The following STARD8 variants were observed in gnomAD, a reference collection of about 807,000 sequenced individuals.
STARD8 encodes the protein stAR-related lipid transfer protein 8.
A neutral mutation model predicts 69.4 loss-of-function variants in STARD8; 25 were observed. That is an observed-to-expected ratio of 0.36 (90% confidence interval 0.26 to 0.50). STARD8 has a LOEUF of 0.50. Among genes scored for constraint, STARD8 ranks in the 20% least tolerant of loss-of-function variants. STARD8 has a pLI of 0.96. For synonymous variants in STARD8, 389 were observed against 374.6 expected, an observed-to-expected ratio of 1.04 and a Z score of -0.45; for missense variants, 921 against 932.5, an observed-to-expected ratio of 0.99 and a Z score of 0.16.
At chrX:68,714,211 G>A (rs899487819) in intron 3 of STARD8, among the ~76,000 whole-genome samples, 4 of 111,724 alleles carry the variant, frequency 3.6e-5, no homozygotes, top group African/African-American at 1.3e-4. Flanking sequence ...CAAACCCTCC[G>A]ATGGCCTCCC....
At chrX:68,672,115 T>G (rs999125240) in intron 2 of STARD8, among the ~76,000 whole-genome samples, 1 of 111,613 alleles carries the variant, frequency 9.0e-6, no homozygotes, top group African/African-American at 3.3e-5. Context: ...TCAGGTATGG[T>G]GAAGCATCCT....
At chrX:68,682,951 G>A (rs2079809698) in intron 2 of STARD8, among the ~76,000 whole-genome samples, 1 of 112,117 alleles carries the variant, frequency 8.9e-6, no homozygotes, top group East Asian at 2.8e-4. Flanking sequence ...GAGGACTCCT[G>A]TGTGAAATGC....
At chrX:68,720,862 T>C (rs1602616828) in intron 8 of STARD8, 62 bp from the exon 9 acceptor site, 1 of 1,101,179 alleles carries the variant, frequency 9.1e-7, no homozygotes, top group East Asian at 3.3e-5. Context: ...AGGGCTGGCC[T>C]CACAGTCTGC....
intron 12 of STARD8, 119 bp downstream of exon 12, chrX:68,722,765 C>A (rs2080163199): frequency 1.5e-6 from 1 of 679,193 alleles, no homozygotes; most frequent in East Asian, 3.5e-5. Context: ...CTCGCTGTGC[C>A]TCGGCCTGGT....
At chrX:68,658,924 G>C (rs2079627522) in intron 1 of STARD8, among the ~76,000 whole-genome samples, 1 of 112,589 alleles carries the variant, frequency 8.9e-6, no homozygotes, top group Non-Finnish European at 1.9e-5. Context: ...CTGCACTTGG[G>C]GAATGGGAGT....
intron 2 of STARD8, among the ~76,000 whole-genome samples, chrX:68,681,231 TGAGACTGGGGGGCC>T (rs2147893274): frequency 8.9e-6 from 1 of 111,884 alleles, no homozygotes; most frequent in Non-Finnish European, 1.9e-5. Flanking sequence ...GGCAAAAGGC[TGAGACTGGGGGGCC>T]TTCTGATGGA....
intron 12 of STARD8, 146 bp from the exon 13 acceptor site, chrX:68,723,480 T>C: frequency 4.0e-6 from 2 of 495,132 alleles, no homozygotes; most frequent in East Asian, 7.3e-5. Flanking sequence ...GGGAGCACTG[T>C]CTCAGTCTGG....
intron 2 of STARD8, among the ~76,000 whole-genome samples, chrX:68,705,011 G>A (rs2079994746): frequency 8.9e-6 from 1 of 112,202 alleles, no homozygotes; most frequent in Non-Finnish European, 1.9e-5. Flanking sequence ...ATCTGCCCCA[G>A]ACTGGTTTGG....
chrX:68,721,101 A>G lies in STARD8; in HGVS notation c.2227A>G (p.Thr743Ala), dbSNP rs1022604030. ...CATCTTCACCAGCAAGCTCACCACC[A>G]CTTTCCTCCAGATCTACCAGCGTGA... ...EPIFTSKLTT[T>A]FLQIYQLLPK... Residue 743 changes from threonine (T) to alanine (A), a missense_variant, in exon 9 of 15, where the codon ACT becomes GCT. Transcript: ENST00000374599. The G allele has an allele frequency of 2.5e-6, 3 of 1,211,159 alleles. No individual in the cohort carries two copies. Among genetic ancestry groups the G allele is most frequent in the Non-Finnish European group, 3.4e-6 (3 of 895,349 alleles).
chrX:68,696,224 C>T (rs957094386), intron 2 of STARD8, among the ~76,000 whole-genome samples: 10 of 112,155 alleles, frequency 8.9e-5, no homozygotes, highest in Non-Finnish European at 1.7e-4. Flanking sequence ...TGTGAGCTCC[C>T]GGAGATCTAG....
chrX:68,651,609 T>C (rs1014493818), intron 1 of STARD8, among the ~76,000 whole-genome samples: 3 of 110,875 alleles, frequency 2.7e-5, no homozygotes, highest in Admixed American at 9.6e-5. Context: ...AAACTTCTCA[T>C]GGTCCTGATA....
chrX:68,720,525 C>T, intron 8 of STARD8, 102 bp downstream of exon 8: 2 of 977,638 alleles, frequency 2.0e-6, no homozygotes, highest in Non-Finnish European at 1.4e-6. Flanking sequence ...ACTGCTCTGG[C>T]CTTCCCCCTC....
intron 2 of STARD8, among the ~76,000 whole-genome samples, chrX:68,683,199 G>A (rs1393158178): frequency 9.3e-6 from 1 of 107,400 alleles, no homozygotes; most frequent in East Asian, 2.8e-4. Flanking sequence ...CATCCTGGTG[G>A]GAAGTGGTGG....
intron 2 of STARD8, among the ~76,000 whole-genome samples, chrX:68,666,963 C>G (rs184760785): frequency 2.7e-5 from 3 of 111,872 alleles, no homozygotes; most frequent in African/African-American, 9.8e-5. Flanking sequence ...GCACCCACAG[C>G]TGCCAAGTTA....
chrX:68,724,069 C>G lies in STARD8; in HGVS notation c.3142C>G (p.Pro1048Ala). 1 of 1,212,006 alleles carries G rather than the reference C, an allele frequency of 8.3e-7. No individual in the cohort carries two copies. The highest frequency in any genetic ancestry group is 1.1e-6 in the Non-Finnish European group (1 of 895,567). The change falls in exon 14 of 15, where the codon CCT becomes GCT. Residue 1048 changes from proline (P) to alanine (A), a missense_variant. By Grantham distance (27) the Pro-to-Ala change is conservative (BLOSUM62 -1). Coordinates refer to ENST00000374599, the MANE Select transcript of STARD8 (RefSeq NM_001142503.3). ...LMLTSQYLME[P>A]CGLGRSRLTH... The stretch of plus-strand genomic sequence containing the variant: ...GCTCACATCCCAGTACCTCATGGAG[C>G]CTTGCGGCTTGGGCCGCTCTCGGCT...
intron 1 of STARD8, among the ~76,000 whole-genome samples, chrX:68,650,426 A>G (rs1473894580): frequency 1.1e-5 from 1 of 87,682 alleles, no homozygotes; most frequent in Non-Finnish European, 2.2e-5. Context: ...ATCCTATAGA[A>G]GAAGAAGAAG....
chrX:68,652,635 A>C (rs758654201), intron 1 of STARD8, among the ~76,000 whole-genome samples: 92 of 109,395 alleles, frequency 8.4e-4, no homozygotes, highest in African/African-American at 2.5e-3. Context: ...TCAGTTTCTC[A>C]CCCGCTCCCC....
At chrX:68,721,783 T>G in intron 10 of STARD8, 37 bp downstream of exon 10, 1 of 1,167,844 alleles carries the variant, frequency 8.6e-7, no homozygotes, top group Non-Finnish European at 1.2e-6. Flanking sequence ...CCGGGCTGGG[T>G]CCAGACAATT....
intron 2 of STARD8, among the ~76,000 whole-genome samples, chrX:68,685,716 G>C (rs1271429042): frequency 6.2e-5 from 7 of 112,588 alleles, no homozygotes; most frequent in Non-Finnish European, 5.6e-5. Context: ...GCATTCTTGG[G>C]CCTCAGTTTT....
Sources: gnomAD v4.1 joint callset for allele counts (sites outside exome capture counted in the v4.1 genomes callset) on GRCh38, gnomAD v4.1.1 for gene constraint, MANE v1.5 for transcripts, NCBI Gene and HGNC (gene_info 2026-07-23, HGNC 2026-07-21) for gene names.